DPH6: variants seen among roughly 807,000 people sequenced by gnomAD.
DPH6 encodes the protein diphthine--ammonia ligase.
Under a neutral mutation model 38.2 loss-of-function variants are expected in DPH6, and 33 were observed. The observed-to-expected ratio is 0.86, with a 90% CI of 0.65 to 1.15. DPH6 has a LOEUF of 1.15. Ranked by LOEUF, DPH6 falls within the 50% of genes most tolerant of loss-of-function variation. The pLI, the probability that DPH6 is intolerant of heterozygous loss-of-function variation, is 0.00. For missense variants in DPH6, 325 were observed against 320.0 expected, an observed-to-expected ratio of 1.02 and a Z score of -0.12; for synonymous variants, 108 against 103.0, an observed-to-expected ratio of 1.05 and a Z score of -0.30.
intron 5 of DPH6, among the ~76,000 whole-genome samples, chr15:35,441,692 G>A (rs1159429782): frequency 6.6e-6 from 1 of 152,108 alleles, no homozygotes; most frequent in African/African-American, 2.4e-5. Flanking sequence ...GATAGCATTA[G>A]GAGAAATATC....
intron 7 of DPH6, among the ~76,000 whole-genome samples, chr15:35,378,677 G>A (rs1239711369): frequency 6.6e-6 from 1 of 152,062 alleles, no homozygotes; most frequent in East Asian, 1.9e-4. Flanking sequence ...TCCTTTCAGG[G>A]ACAAGGATGA....
chr15:35,361,951 A>G (rs1372948697), intron 3 of DPH6, among the ~76,000 whole-genome samples: 1 of 148,196 alleles, frequency 6.7e-6, no homozygotes, highest in Non-Finnish European at 1.5e-5. Flanking sequence ...TTTCAGAGCC[A>G]GTTTCTGAAG....
At chr15:35,172,069 T>C in the DPH6 span, among the ~76,000 whole-genome samples, 1 of 152,132 alleles carries the variant, frequency 6.6e-6, no homozygotes, top group African/African-American at 2.4e-5. Context: ...GGTTTCACCA[T>C]GTTGGCCAGG....
intron 3 of DPH6, among the ~76,000 whole-genome samples, chr15:35,271,431 T>C (rs1324682046): frequency 3.3e-5 from 5 of 152,158 alleles, no homozygotes; most frequent in Non-Finnish European, 7.4e-5. Flanking sequence ...AAAACACCCA[T>C]ATCAATTAAA....
rs1485567053 is a variant in DPH6, at chr15:35,413,513, T to C, written c.506-2617A>G. Among the ~76,000 whole-genome samples, 7 of 151,802 alleles carry C rather than the reference T, an allele frequency of 4.6e-5. No individual in the cohort carries two copies. In the East Asian group the frequency reaches 1.4e-3, roughly 29 times the overall value. ...TTCTAAAACTTCTTGATGGAATTAT[T>C]CTGCTTATCAAGAAGTAGTGACTAT... On this transcript the variant is annotated intron_variant, in intron 5 of 8. Coordinates refer to ENST00000256538, the MANE Select transcript of DPH6 (RefSeq NM_080650.4).
At chr15:35,285,266 G>A (rs1197277140) in intron 3 of DPH6, among the ~76,000 whole-genome samples, 1 of 152,052 alleles carries the variant, frequency 6.6e-6, no homozygotes, top group East Asian at 1.9e-4. Context: ...CATTTGATAT[G>A]GTTTGGCTGT....
At chr15:35,268,189 A>G (rs1160126165) in intron 3 of DPH6, among the ~76,000 whole-genome samples, 4 of 148,704 alleles carry the variant, frequency 2.7e-5, no homozygotes, top group Non-Finnish European at 5.9e-5. Flanking sequence ...ATAAATAAAT[A>G]AATAAATAAA....
At chr15:35,452,753 A>G (rs533060254) in intron 4 of DPH6, among the ~76,000 whole-genome samples, 2 of 152,354 alleles carry the variant, frequency 1.3e-5, no homozygotes, top group South Asian at 2.1e-4. Flanking sequence ...TAATACAAAC[A>G]TAATTGCAGA....
intron 3 of DPH6, among the ~76,000 whole-genome samples, chr15:35,535,916 C>T (rs947546134): frequency 6.6e-6 from 1 of 151,898 alleles, no homozygotes. Flanking sequence ...AAACTCTTTG[C>T]AAAAAGGAAC....
chr15:35,220,319 T>G (rs558808896), exon 4 of DPH6: 2 of 152,290 alleles, frequency 1.3e-5, no homozygotes, highest in East Asian at 3.9e-4. Context: ...TATTAATATT[T>G]TGGATTAGTG....
At chr15:35,523,940 A>C (rs1018007603) in intron 3 of DPH6, among the ~76,000 whole-genome samples, 1 of 152,032 alleles carries the variant, frequency 6.6e-6, no homozygotes, top group African/African-American at 2.4e-5. Flanking sequence ...TTCCTAATAC[A>C]TCTTCAGAAA....
the DPH6 span, among the ~76,000 whole-genome samples, chr15:35,189,914 A>G: frequency 6.6e-6 from 1 of 152,216 alleles, no homozygotes; most frequent in Non-Finnish European, 1.5e-5. Context: ...CTTGTAAATG[A>G]TTCTCTGGAA....
chr15:35,397,868 TACACACACACACACACACACAC>T (rs57530358), intron 6 of DPH6, among the ~76,000 whole-genome samples: 1 of 87,258 alleles, frequency 1.1e-5, no homozygotes, highest in Non-Finnish European at 2.4e-5. Flanking sequence ...TTTATATATA[TACACACACACACACACACACAC>T]ACACACACAC....
At chr15:35,430,436 C>A (rs1376196247) in intron 5 of DPH6, among the ~76,000 whole-genome samples, 1 of 151,066 alleles carries the variant, frequency 6.6e-6, no homozygotes, top group Non-Finnish European at 1.5e-5. Context: ...GCTGAATGGC[C>A]CCAGAGCACA....
intron 3 of DPH6, among the ~76,000 whole-genome samples, chr15:35,357,312 C>T (rs1299716208): frequency 6.6e-6 from 1 of 152,232 alleles, no homozygotes; most frequent in African/African-American, 2.4e-5. Flanking sequence ...CCGACACTCC[C>T]CAGTGAGATG....
At chr15:35,422,634 C>T (rs8040254) in intron 5 of DPH6, among the ~76,000 whole-genome samples, 51,095 of 151,680 alleles carry the variant, frequency 0.34, 10,170 homozygotes, top group African/African-American at 0.56. Flanking sequence ...GTGTTGTTAA[C>T]TATAGACACA....
At chr15:35,483,609 A>G (rs955169916) in intron 3 of DPH6, among the ~76,000 whole-genome samples, 1 of 152,212 alleles carries the variant, frequency 6.6e-6, no homozygotes, top group Non-Finnish European at 1.5e-5. Context: ...GTGGAAATTT[A>G]ATATGGTACA....
At chr15:35,345,485 A>G (rs1329649280) in intron 3 of DPH6, among the ~76,000 whole-genome samples, 1 of 151,858 alleles carries the variant, frequency 6.6e-6, no homozygotes, top group African/African-American at 2.4e-5. Context: ...GTTGTTATCT[A>G]TTGCACATGA....
chr15:35,538,800 T>G (rs1293804175), intron 2 of DPH6, among the ~76,000 whole-genome samples: 1 of 152,114 alleles, frequency 6.6e-6, no homozygotes, highest in African/African-American at 2.4e-5. Context: ...GTTAAATATT[T>G]TTATTACATA....
Sources: gnomAD v4.1 joint callset for allele counts (sites outside exome capture counted in the v4.1 genomes callset) on GRCh38, gnomAD v4.1.1 for gene constraint, MANE v1.5 for transcripts, NCBI Gene and HGNC (gene_info 2026-07-23, HGNC 2026-07-21) for gene names.